CASP8: variants seen among roughly 807,000 people sequenced by gnomAD.
CASP8 encodes the protein caspase-8.
CASP8 carries 24 observed loss-of-function variants against 46.3 expected under a neutral mutation model. That is an observed-to-expected ratio of 0.52 (90% CI 0.38 to 0.73). The LOEUF (loss-of-function observed/expected upper bound fraction) is 0.73. CASP8 is among the 30% of genes least tolerant of loss of function. The probability of loss-of-function intolerance (pLI) is 0.00; values close to 1 mark genes in which losing one functional copy is unlikely to be tolerated. For missense variants in CASP8, 460 were observed against 559.0 expected (o/e 0.82, Z 1.79); for synonymous variants, 188 against 200.4 (o/e 0.94, Z 0.52).
intron 1 of CASP8, among the ~76,000 whole-genome samples, chr2:201,265,852 C>T (rs900764224): frequency 1.3e-5 from 2 of 152,194 alleles, no homozygotes; most frequent in Admixed American, 6.5e-5. Flanking sequence ...TGCTTTCTCG[C>T]ATTCTCCCCA....
chr2:201,268,299 C>T (rs1013211349), intron 2 of CASP8, among the ~76,000 whole-genome samples: 1 of 152,084 alleles, frequency 6.6e-6, no homozygotes, highest in Non-Finnish European at 1.5e-5. Flanking sequence ...GCCTGTAATC[C>T]CAGCACTTTG....
chr2:201,277,448 G>A (rs758849627), intron 7 of CASP8, among the ~76,000 whole-genome samples: 16 of 152,070 alleles, frequency 1.1e-4, no homozygotes, highest in Non-Finnish European at 1.9e-4. Context: ...ATTAAGCTAA[G>A]ATCAAGAACT....
At chr2:201,239,780 T>A (rs1038015916) in intron 2 of CASP8, among the ~76,000 whole-genome samples, 2 of 152,206 alleles carry the variant, frequency 1.3e-5, no homozygotes, top group Non-Finnish European at 2.9e-5. Context: ...CTCCCACAGC[T>A]TGCTCTCTGG....
In CASP8 at chr2:201,239,520, G is replaced by A. The variant is rs370599510; in HGVS notation, c.-27+5408G>A. ...TTTTTTGGTTGTTGTTGGCTTATTT[G>A]ATTTTTACTTTTTGGTTAATAACAA... On this transcript the variant is annotated intron_variant, in intron 2 of 6. Transcript: ENST00000264274. Among the ~76,000 whole-genome samples the A allele has an allele frequency of 9.4e-4, 143 of 152,306 alleles. 1 individual carries two copies. The highest frequency in any genetic ancestry group is 3.3e-3 in the African/African-American group (137 of 41,558).
intron 1 of CASP8, among the ~76,000 whole-genome samples, chr2:201,265,671 G>A (rs926836026): frequency 2.0e-5 from 3 of 152,058 alleles, no homozygotes; most frequent in African/African-American, 7.2e-5. Context: ...TCGCCCCATG[G>A]TAATGCGGCC....
intron 2 of CASP8, chr2:201,269,631 T>C (rs2125206214): frequency 6.5e-7 from 1 of 1,537,272 alleles, no homozygotes; most frequent in East Asian, 2.3e-5. Flanking sequence ...AAATCTTTAA[T>C]GTATTGGCTT....
intron 2 of CASP8, among the ~76,000 whole-genome samples, chr2:201,246,238 G>C (rs1210745952): frequency 6.6e-6 from 1 of 152,154 alleles, no homozygotes; most frequent in East Asian, 1.9e-4. Flanking sequence ...TGGCATGTGT[G>C]GGAATAAAAA....
At chr2:201,276,284 C>T (rs894317439) in intron 6 of CASP8, among the ~76,000 whole-genome samples, 8 of 152,172 alleles carry the variant, frequency 5.3e-5, no homozygotes, top group African/African-American at 1.9e-4. Context: ...CCACCGTGGT[C>T]CTGAGAGCTG....
chr2:201,256,435 A>G (rs745442572), upstream of CASP8, among the ~76,000 whole-genome samples: 41 of 152,226 alleles, frequency 2.7e-4, no homozygotes, highest in Non-Finnish European at 4.3e-4. Context: ...TGTCTGGCAT[A>G]CGCCAATGGT....
chr2:201,255,241 A>G (rs990861061), intron 2 of CASP8, among the ~76,000 whole-genome samples: 2 of 151,774 alleles, frequency 1.3e-5, no homozygotes, highest in Non-Finnish European at 2.9e-5. Context: ...ATGCCCAACT[A>G]ATTTTTTTGT....
chr2:201,273,967 ATTCT>A (rs1285318732), intron 5 of CASP8, among the ~76,000 whole-genome samples: 1 of 152,168 alleles, frequency 6.6e-6, no homozygotes, highest in African/African-American at 2.4e-5. Context: ...TTAATAAAGT[ATTCT>A]TTCTGATTAG....
At chr2:201,271,751 T>A (rs1237508269) in intron 3 of CASP8, 130 bp downstream of exon 3, 1 of 711,220 alleles carries the variant, frequency 1.4e-6, no homozygotes, top group Non-Finnish European at 2.6e-6. Context: ...AAGAAGAAAG[T>A]TGTCAGCACG....
chr2:201,278,014 T>C (rs1233034108), intron 7 of CASP8: 3 of 168,750 alleles, frequency 1.8e-5, no homozygotes, highest in Non-Finnish European at 3.9e-5. Context: ...TGCTAACATT[T>C]GATTTGTTTA....
chr2:201,240,885 A>G (rs982901054), intron 2 of CASP8: 2 of 152,238 alleles, frequency 1.3e-5, no homozygotes, highest in African/African-American at 4.8e-5. Flanking sequence ...AAAAATAGAA[A>G]GTTCACAAAT....
Position 201,272,853 on chromosome 2 carries a change from T to C in CASP8, c.551-45T>C. On this transcript the variant is annotated intron_variant, in intron 4 of 8. Coordinates refer to ENST00000673742, the MANE Select transcript of CASP8 (RefSeq NM_001372051.1). The surrounding 1 kb of genome is among the most constrained non-coding windows in gnomAD (Gnocchi z 4.4). Reference sequence around the variant, plus strand: ...ACTGACAAATCGCTCCATATCACAGTTGTTTCTAATCAAATATTGTTTGGG... The same window carrying C: ...ACTGACAAATCGCTCCATATCACAGCTGTTTCTAATCAAATATTGTTTGGG... 6.2e-7 allele frequency: 1 copy of C among 1,613,672 alleles called. No individual in the cohort carries two copies. The highest frequency in any genetic ancestry group is 8.5e-7 in the Non-Finnish European group (1 of 1,179,566).
intron 2 of CASP8, among the ~76,000 whole-genome samples, chr2:201,246,773 C>T (rs1016005516): frequency 3.9e-5 from 6 of 152,142 alleles, no homozygotes; most frequent in Admixed American, 3.3e-4. Context: ...TGCAAAAATC[C>T]CAAAAGTTGT....
chr2:201,269,554 G>A lies in CASP8; in HGVS notation c.306-1962G>A, dbSNP rs1217882470. Reference sequence around the variant, plus strand: ...AGCTGGGCTGAAGCAAACAGCCAGTGCCAGACACAGTCTGTACCTTTCTGG... The same window carrying A: ...AGCTGGGCTGAAGCAAACAGCCAGTACCAGACACAGTCTGTACCTTTCTGG... On this transcript the variant is annotated intron_variant, in intron 2 of 8. Transcript: ENST00000673742. The A allele has an allele frequency of 6.2e-7, 1 of 1,613,518 alleles. No individual in the cohort carries two copies. The highest frequency in any genetic ancestry group is 2.2e-5 in the East Asian group (1 of 44,876).
chr2:201,270,915 T>C (rs1218520478), intron 2 of CASP8, among the ~76,000 whole-genome samples: 1 of 152,152 alleles, frequency 6.6e-6, no homozygotes, highest in Admixed American at 6.5e-5. Context: ...GCTCAGGCAA[T>C]GCTTGAGCTG....
intron 7 of CASP8, among the ~76,000 whole-genome samples, chr2:201,283,446 A>AC (rs1191221548): frequency 3.5e-5 from 1 of 28,178 alleles, no homozygotes; most frequent in African/African-American, 1.2e-4. Flanking sequence ...CGGGGGGTTG[A>AC]CCCCCCCACC....
Sources: allele counts gnomAD v4.1 joint callset (sites outside exome capture counted in the v4.1 genomes callset), GRCh38; gene constraint gnomAD v4.1.1; non-coding constraint Gnocchi (gnomAD v3.1); transcripts MANE v1.5; gene names NCBI Gene and HGNC (gene_info 2026-07-23, HGNC 2026-07-21).